Variants in ALOX5AP observed in about 807,000 individuals in gnomAD.
The protein encoded by ALOX5AP is arachidonate 5-lipoxygenase-activating protein.
ALOX5AP carries 9 observed loss-of-function variants against 18.5 expected under a neutral mutation model. The observed-to-expected ratio is 0.49, with a 90% CI of 0.29 to 0.85. ALOX5AP has a LOEUF of 0.85. ALOX5AP is among the 40% of genes least tolerant of loss of function. ALOX5AP has a pLI of 0.08. For missense variants in ALOX5AP, 172 were observed against 202.5 expected (o/e 0.85, Z 0.91); for synonymous variants, 81 against 78.6 (o/e 1.03, Z -0.16).
chr13:30,764,263 A>T lies in ALOX5AP; in HGVS notation c.*157A>T, dbSNP rs1951971463. ...GAGTTAACCTTGCTTTTCCGGGAAC[A>T]AAATGATGTCATGTCAGCTCCGCCC... On this transcript the variant is annotated 3_prime_UTR_variant, in exon 5 of 5. Transcript: ENST00000380490. The T allele has an allele frequency of 1.3e-5, 10 of 780,680 alleles. No individual in the cohort carries two copies. The highest frequency in any genetic ancestry group is 1.9e-5 in the Non-Finnish European group (10 of 515,734). The allele number at this position is 780,680 out of a possible 1,614,324, so 48.4% of individuals were successfully genotyped here.
intron 1 of ALOX5AP, among the ~76,000 whole-genome samples, chr13:30,720,575 T>C (rs1487921810): frequency 1.3e-5 from 2 of 152,222 alleles, no homozygotes; most frequent in African/African-American, 2.4e-5. Context: ...ATCACAGTAA[T>C]ATGAATTTAG....
intron 1 of ALOX5AP, among the ~76,000 whole-genome samples, chr13:30,739,149 A>G (rs2137806155): frequency 6.6e-6 from 1 of 152,028 alleles, no homozygotes; most frequent in East Asian, 1.9e-4. Context: ...AAACTCACAA[A>G]CTTCCAAGCT....
At chr13:30,761,130 A>G (rs1291247873) in intron 4 of ALOX5AP, among the ~76,000 whole-genome samples, 3 of 152,182 alleles carry the variant, frequency 2.0e-5, no homozygotes, top group African/African-American at 7.2e-5. Context: ...GGTGCAGCTA[A>G]TGATGTGCCC....
At chr13:30,715,169 C>A (rs753873168) in intron 1 of ALOX5AP, among the ~76,000 whole-genome samples, 1 of 152,132 alleles carries the variant, frequency 6.6e-6, no homozygotes, top group African/African-American at 2.4e-5. Flanking sequence ...CTTTGAGAAC[C>A]GGGCTTTAAC....
chr13:30,744,015 G>T, intron 1 of ALOX5AP, 45 bp from the exon 2 acceptor site: 1 of 1,541,936 alleles, frequency 6.5e-7, no homozygotes, highest in East Asian at 2.3e-5. Context: ...ACAGGCTCCT[G>T]AACATGCCCA....
chr13:30,735,434 TA>T (rs59918130), upstream of ALOX5AP: 224,766 of 821,638 alleles, frequency 0.27, 17,138 homozygotes, highest in Admixed American at 0.33. Context: ...GGTGGTTAGT[TA>T]AAAAAAAAAA....
intron 1 of ALOX5AP, among the ~76,000 whole-genome samples, chr13:30,717,523 G>A (rs142034054): frequency 1.3e-5 from 2 of 152,296 alleles, no homozygotes; most frequent in East Asian, 1.9e-4. Flanking sequence ...CAACCACTCC[G>A]CTCTTTGGGT....
At chr13:30,732,167 G>C (rs774010954), upstream of ALOX5AP, among the ~76,000 whole-genome samples, 7 of 152,198 alleles carry the variant, frequency 4.6e-5, no homozygotes, top group African/African-American at 7.2e-5. Context: ...AGCTCAGAGC[G>C]GGGTGCCCGG....
upstream of ALOX5AP, among the ~76,000 whole-genome samples, chr13:30,730,572 C>T (rs1353750782): frequency 6.6e-6 from 1 of 152,206 alleles, no homozygotes; most frequent in African/African-American, 2.4e-5. Flanking sequence ...TTCTCCCTCA[C>T]CACCAGTCAA....
intron 4 of ALOX5AP, among the ~76,000 whole-genome samples, chr13:30,760,260 T>C (rs1439608830): frequency 8.8e-6 from 1 of 113,406 alleles, no homozygotes; most frequent in African/African-American, 3.4e-5. Flanking sequence ...GGGTGGGAAG[T>C]GGAGGAGGGG....
chr13:30,740,408 C>T (rs904660260), intron 1 of ALOX5AP, among the ~76,000 whole-genome samples: 1 of 152,206 alleles, frequency 6.6e-6, no homozygotes, highest in Non-Finnish European at 1.5e-5. Flanking sequence ...AAGTAGCTAG[C>T]AGTGCCCACG....
upstream of ALOX5AP, among the ~76,000 whole-genome samples, chr13:30,732,085 G>A (rs999831747): frequency 1.3e-5 from 2 of 152,348 alleles, no homozygotes; most frequent in African/African-American, 4.8e-5. Context: ...CGCTCTTCTC[G>A]GGTGAAGTGG....
At chr13:30,739,038 T>C (rs1236803498) in intron 1 of ALOX5AP, among the ~76,000 whole-genome samples, 13 of 152,176 alleles carry the variant, frequency 8.5e-5, no homozygotes, top group Non-Finnish European at 7.4e-5. Context: ...CATAGACTCA[T>C]GAAGTTCCCC....
At chr13:30,744,996 C>A (rs17245120) in intron 2 of ALOX5AP, among the ~76,000 whole-genome samples, 11,373 of 152,230 alleles carry the variant, frequency 0.075, 529 homozygotes, top group East Asian at 0.11. Flanking sequence ...GTCATGGTCA[C>A]CCAAGAAAAA....
chr13:30,713,929 C>T (rs1432379812), intron 1 of ALOX5AP: 55 of 1,426,556 alleles, frequency 3.9e-5, no homozygotes, highest in Admixed American at 2.9e-4. Context: ...GGGCCATGTT[C>T]GGTGGTTTTT....
intron 2 of ALOX5AP, among the ~76,000 whole-genome samples, chr13:30,750,043 C>A (rs1455475705): frequency 6.6e-6 from 1 of 152,170 alleles, no homozygotes; most frequent in Non-Finnish European, 1.5e-5. Flanking sequence ...GCATCAGCAT[C>A]ACATGGAGGG....
intron 1 of ALOX5AP, among the ~76,000 whole-genome samples, chr13:30,737,011 C>T (rs1951727375): frequency 6.6e-6 from 1 of 152,184 alleles, no homozygotes; most frequent in Non-Finnish European, 1.5e-5. Flanking sequence ...CAGTGATGGA[C>T]AGGTCAGCCT....
chr13:30,748,571 T>C (rs1474576237), intron 2 of ALOX5AP, among the ~76,000 whole-genome samples: 1 of 152,188 alleles, frequency 6.6e-6, no homozygotes, highest in Admixed American at 6.5e-5. Flanking sequence ...CAGTTCTGTT[T>C]TGCAGAAAAA....
chr13:30,754,121 G>A (rs934690840), intron 3 of ALOX5AP, among the ~76,000 whole-genome samples: 14 of 152,074 alleles, frequency 9.2e-5, no homozygotes, highest in Admixed American at 8.5e-4. Flanking sequence ...TGCCTGTAAT[G>A]CCAGCTACTC....
Sources: allele counts gnomAD v4.1 joint callset (sites outside exome capture counted in the v4.1 genomes callset), GRCh38; gene constraint gnomAD v4.1.1; transcripts MANE v1.5; gene names NCBI Gene and HGNC (gene_info 2026-07-23, HGNC 2026-07-21).